The following MGRN1 variants were observed in gnomAD, a reference collection of about 807,000 sequenced individuals.
The protein encoded by MGRN1 is E3 ubiquitin-protein ligase MGRN1.
In MGRN1, 29 loss-of-function variants were observed where a neutral mutation model predicts 69.2. That is an observed-to-expected ratio of 0.42 (90% CI 0.31 to 0.57). MGRN1 has a LOEUF of 0.57. MGRN1 is among the 20% of genes least tolerant of loss of function. The pLI, the probability that MGRN1 is intolerant of heterozygous loss-of-function variation, is 0.15. For synonymous variants in MGRN1, 470 were observed against 344.2 expected (o/e 1.37, Z -4.04); for missense variants, 998 against 796.2 (o/e 1.25, Z -3.05).
At chr16:4,639,103 C>T (rs1417565312) in intron 1 of MGRN1, among the ~76,000 whole-genome samples, 2 of 152,190 alleles carry the variant, frequency 1.3e-5, no homozygotes, top group African/African-American at 2.4e-5. Flanking sequence ...GTAACAACAG[C>T]ATCTGCTTTC....
intron 1 of MGRN1, among the ~76,000 whole-genome samples, chr16:4,644,811 C>T (rs1412785085): frequency 6.6e-6 from 1 of 152,116 alleles, no homozygotes; most frequent in African/African-American, 2.4e-5. Context: ...ACCATGGGGA[C>T]ACCTTTTTAA....
At chr16:4,678,671 C>G (rs188957704) in intron 11 of MGRN1, among the ~76,000 whole-genome samples, 1 of 152,182 alleles carries the variant, frequency 6.6e-6, no homozygotes, top group South Asian at 2.1e-4. Flanking sequence ...TGGTTGGGCC[C>G]GGGTCTTAGG....
At chr16:4,663,513 T>C (rs539855835) in intron 5 of MGRN1, among the ~76,000 whole-genome samples, 4 of 152,210 alleles carry the variant, frequency 2.6e-5, no homozygotes, top group East Asian at 1.9e-4. Flanking sequence ...TAAATCTTCA[T>C]TGAGAAATAA....
intron 7 of MGRN1, among the ~76,000 whole-genome samples, chr16:4,666,381 C>T (rs573435736): frequency 3.5e-4 from 54 of 152,338 alleles, no homozygotes; most frequent in Admixed American, 3.3e-3. Flanking sequence ...ATCCTCCCAC[C>T]TTGGCCTTCC....
chr16:4,676,190 C>T (rs866580281), intron 10 of MGRN1, among the ~76,000 whole-genome samples: 7 of 152,332 alleles, frequency 4.6e-5, no homozygotes, highest in South Asian at 2.1e-4. Flanking sequence ...AGAGGCCGGC[C>T]GCCCAGCCTG....
chr16:4,687,372 C>T, intron 16 of MGRN1: 1 of 928,844 alleles, frequency 1.1e-6, no homozygotes, highest in Non-Finnish European at 1.3e-6. Context: ...AACATAGACC[C>T]CCTCTCTATG....
chr16:4,673,063 C>T (rs1162038609), intron 9 of MGRN1, among the ~76,000 whole-genome samples: 1 of 151,992 alleles, frequency 6.6e-6, no homozygotes, highest in Non-Finnish European at 1.5e-5. Context: ...TGGTCTCGAT[C>T]TCCTGACCTC....
intron 2 of MGRN1, chr16:4,650,896 C>G (rs1479174303): frequency 6.5e-6 from 1 of 153,916 alleles, no homozygotes; most frequent in Non-Finnish European, 1.4e-5. Flanking sequence ...CACCTGAGGT[C>G]AGGAGTTTGA....
chr16:4,686,726 G>T (rs1411262233), intron 16 of MGRN1: 3 of 1,013,116 alleles, frequency 3.0e-6, no homozygotes, highest in South Asian at 4.4e-5. Flanking sequence ...GTCCCAAGGG[G>T]AGAGGCCTGG....
chr16:4,654,238 A>G (rs532356718), intron 4 of MGRN1, among the ~76,000 whole-genome samples: 5 of 152,306 alleles, frequency 3.3e-5, no homozygotes, highest in African/African-American at 9.6e-5. Context: ...TTGGGAGCAA[A>G]GGTCAAGGAA....
At chr16:4,628,551 T>G (rs1418136514) in intron 1 of MGRN1, among the ~76,000 whole-genome samples, 2 of 152,118 alleles carry the variant, frequency 1.3e-5, no homozygotes, top group Admixed American at 6.6e-5. Flanking sequence ...CGATCTGCTT[T>G]CTTTTTTCTT....
At chr16:4,628,479 TAA>T (rs951548244) in intron 1 of MGRN1, among the ~76,000 whole-genome samples, 1 of 151,850 alleles carries the variant, frequency 6.6e-6, no homozygotes, top group Non-Finnish European at 1.5e-5. Context: ...ATTTCCCTTG[TAA>T]AAGTTTCCTT....
chr16:4,641,521 T>TG (rs1484466817), intron 1 of MGRN1, among the ~76,000 whole-genome samples: 1 of 150,012 alleles, frequency 6.7e-6, no homozygotes, highest in African/African-American at 2.5e-5. Flanking sequence ...GCTACTTTTT[T>TG]TTTTTTTTTT....
At chr16:4,657,599 T>C (rs1489610404) in intron 5 of MGRN1, among the ~76,000 whole-genome samples, 1 of 152,176 alleles carries the variant, frequency 6.6e-6, no homozygotes, top group Non-Finnish European at 1.5e-5. Flanking sequence ...ACTCGGAGGC[T>C]CAGACACTGG....
intron 12 of MGRN1, 29 bp from the exon 13 acceptor site, chr16:4,681,521 G>A (rs986780696): frequency 1.6e-5 from 25 of 1,589,166 alleles, no homozygotes; most frequent in African/African-American, 4.0e-5. Context: ...CCCTGGGCAT[G>A]AGCCCCCTCA....
At chr16:4,681,372 G>C in intron 12 of MGRN1, 178 bp from the exon 13 acceptor site, 1 of 608,298 alleles carries the variant, frequency 1.6e-6, no homozygotes, top group Non-Finnish European at 2.8e-6. Flanking sequence ...CCCCGTGCTG[G>C]AGCTGATGGC....
chr16:4,667,291 T>A (rs534428438), intron 7 of MGRN1, among the ~76,000 whole-genome samples: 7 of 152,172 alleles, frequency 4.6e-5, no homozygotes, highest in Non-Finnish European at 1.0e-4. Context: ...TTCTGTTAGC[T>A]GGGTAGAGGA....
At chr16:4,688,692 G>T (rs1596324838) in intron 16 of MGRN1, 104 bp from the exon 17 acceptor site, 2 of 1,453,234 alleles carry the variant, frequency 1.4e-6, no homozygotes, top group East Asian at 2.5e-5. Context: ...CGGGAGTGGG[G>T]GTGCTGGATG....
At chr16:4,646,740 C>A (rs1054836898) in intron 1 of MGRN1, among the ~76,000 whole-genome samples, 1 of 152,166 alleles carries the variant, frequency 6.6e-6, no homozygotes, top group Non-Finnish European at 1.5e-5. Flanking sequence ...AGGTGAGATG[C>A]GCTGGGGGCC....
Sources: allele counts gnomAD v4.1 joint callset (sites outside exome capture counted in the v4.1 genomes callset), GRCh38; gene constraint gnomAD v4.1.1; transcripts MANE v1.5; gene names NCBI Gene and HGNC (gene_info 2026-07-23, HGNC 2026-07-21).